The following MAPK4 variants were observed in gnomAD, a reference collection of about 807,000 sequenced individuals.
MAPK4 encodes the protein mitogen-activated protein kinase 4.
In MAPK4, 22 loss-of-function variants were observed where a neutral mutation model predicts 47.7. That is an observed-to-expected ratio of 0.46 (90% CI 0.33 to 0.66). MAPK4 has a LOEUF of 0.66. Ranked by LOEUF, MAPK4 falls within the 30% of genes least tolerant of loss-of-function variation. The pLI, the probability that MAPK4 is intolerant of heterozygous loss-of-function variation, is 0.02. For synonymous variants in MAPK4, 390 were observed against 365.7 expected (o/e 1.07, Z -0.76); for missense variants, 736 against 831.7 (o/e 0.88, Z 1.42).
At chr18:50,590,646 T>G (rs1008159488) in intron 1 of MAPK4, among the ~76,000 whole-genome samples, 1 of 152,180 alleles carries the variant, frequency 6.6e-6, no homozygotes, top group African/African-American at 2.4e-5. Flanking sequence ...GGAATAATAA[T>G]GTTATATATA....
intron 1 of MAPK4, among the ~76,000 whole-genome samples, chr18:50,591,655 G>A (rs904545787): frequency 6.6e-6 from 1 of 151,532 alleles, no homozygotes; most frequent in Non-Finnish European, 1.5e-5. Flanking sequence ...TGAAGCATTG[G>A]GAGTGTAAGG....
intron 1 of MAPK4, among the ~76,000 whole-genome samples, chr18:50,591,950 G>T (rs2042440010): frequency 6.6e-6 from 1 of 152,086 alleles, no homozygotes; most frequent in Non-Finnish European, 1.5e-5. Context: ...GGACTAGTAT[G>T]GTCTCTGACT....
rs188568784 is a variant in MAPK4 at position 50,579,068 on chromosome 18, G to A, written c.-871+18825G>A. 1.7e-4 allele frequency among the ~76,000 whole-genome samples: 26 copies of A among 152,328 alleles called. No individual in the cohort carries two copies. The East Asian group carries it at 4.4e-3, about 26-fold the overall frequency. The stretch of plus-strand genomic sequence containing the variant: ...GCAGCTTAGTCTGGACAGGCAGGCA[G>A]AGACTGGAGCACAGTAGCTGGGGCT... On this transcript the variant is annotated intron_variant, in intron 1 of 5. Coordinates refer to ENST00000400384, the MANE Select transcript of MAPK4 (RefSeq NM_002747.4).
At chr18:50,583,508 G>A (rs1192597063) in intron 1 of MAPK4, among the ~76,000 whole-genome samples, 1 of 152,164 alleles carries the variant, frequency 6.6e-6, no homozygotes, top group East Asian at 1.9e-4. Flanking sequence ...AAAATTGTTT[G>A]AGCCCAGGAG....
chr18:50,704,795 A>T, intron 2 of MAPK4: 1 of 398,660 alleles, frequency 2.5e-6, no homozygotes, highest in Non-Finnish European at 4.4e-6. Context: ...TGGAGCAGGG[A>T]CAATGACAGC....
At position 50,582,664 on chromosome 18, in the gene MAPK4, G is replaced by A. The variant is rs558884900; in HGVS notation, c.-871+22421G>A. 2.6e-5 allele frequency among the ~76,000 whole-genome samples: 4 copies of A among 152,334 alleles called. No homozygotes were observed. The South Asian group carries it at 8.3e-4, about 32-fold the overall frequency. On this transcript the variant is annotated intron_variant, in intron 1 of 5. Coordinates refer to ENST00000400384, the MANE Select transcript of MAPK4 (RefSeq NM_002747.4). ...CCTGGGGCCTCACTCCAGCCCACTGGGCTCACTCCACCTGCTTGGCCTGGC... is the reference window on the plus strand; with the variant it reads ...CCTGGGGCCTCACTCCAGCCCACTGAGCTCACTCCACCTGCTTGGCCTGGC...
intron 1 of MAPK4, among the ~76,000 whole-genome samples, chr18:50,620,511 C>G (rs1430973607): frequency 6.6e-6 from 1 of 152,214 alleles, no homozygotes; most frequent in Non-Finnish European, 1.5e-5. Flanking sequence ...ATCACTCTGG[C>G]CCATCAACAT....
chr18:50,642,450 T>C (rs772708140), intron 1 of MAPK4, among the ~76,000 whole-genome samples: 3 of 152,234 alleles, frequency 2.0e-5, no homozygotes, highest in Non-Finnish European at 4.4e-5. Context: ...TTTGCCCTTC[T>C]TCCTTTATCT....
chr18:50,591,342 C>T (rs970288702), intron 1 of MAPK4, among the ~76,000 whole-genome samples: 1 of 152,066 alleles, frequency 6.6e-6, no homozygotes, highest in Non-Finnish European at 1.5e-5. Context: ...GGACCTGGGC[C>T]TCCCACCTTT....
In MAPK4 at chr18:50,688,199, C is replaced by G. The variant is rs999532878; in HGVS notation, c.546+23695C>G. ...AAATGAAATGGAGATTGCAAAAGCT[C>G]TCTGAAGAGACGAGGCTGGGCTGGG... On this transcript the variant is annotated intron_variant, in intron 2 of 5. Transcript: ENST00000400384. 1.1e-4 allele frequency among the ~76,000 whole-genome samples: 17 copies of G among 152,296 alleles called. No individual in the cohort carries two copies. The Middle Eastern group carries it at 0.01, about 91-fold the overall frequency.
rs768362441 is a variant in MAPK4, at chr18:50,729,720, T to C, written c.1630T>C (p.Ser544Pro). ...CCAGTTCGACCTGGACGTGTTCATCTCCCGCGCCCTGAAGCTCTGCACCAA... is the reference window on the plus strand; with the variant it reads ...CCAGTTCGACCTGGACGTGTTCATCCCCCGCGCCCTGAAGCTCTGCACCAA... ...SPQFDLDVFI[S>P]RALKLCTKPE... is the part of the protein sequence containing the mutation. The change falls in exon 6 of 6, where the codon TCC (serine) becomes CCC (proline). Residue 544 changes from serine (S) to proline (P), a missense_variant. By Grantham distance (74) the Ser-to-Pro change is moderately conservative. Coordinates refer to ENST00000400384, the MANE Select transcript of MAPK4 (RefSeq NM_002747.4). 6.3e-7 allele frequency: 1 copy of C among 1,584,230 alleles called. No homozygotes were observed. Among genetic ancestry groups the C allele is most frequent in the South Asian group, 1.2e-5 (1 of 86,520 alleles).
intron 3 of MAPK4, among the ~76,000 whole-genome samples, chr18:50,721,667 G>T (rs1033268280): frequency 1.3e-5 from 2 of 152,198 alleles, no homozygotes; most frequent in Admixed American, 6.5e-5. Context: ...TATCCAGCTG[G>T]TCTGAGACAC....
chr18:50,705,224 A>G (rs551791754), intron 2 of MAPK4: 28 of 155,458 alleles, frequency 1.8e-4, no homozygotes, highest in Non-Finnish European at 2.8e-4. Flanking sequence ...GGGCATATCA[A>G]TCATTCCTTT....
intron 1 of MAPK4, among the ~76,000 whole-genome samples, chr18:50,614,469 GTTAC>G (rs910793257): frequency 1.3e-5 from 2 of 151,892 alleles, no homozygotes; most frequent in African/African-American, 4.8e-5. Flanking sequence ...GGTTGAAATT[GTTAC>G]TTAATTTTTA....
intron 2 of MAPK4, among the ~76,000 whole-genome samples, chr18:50,674,384 A>C (rs961705929): frequency 6.6e-6 from 1 of 152,184 alleles, no homozygotes; most frequent in Non-Finnish European, 1.5e-5. Context: ...ATAGAAATAG[A>C]AGGCTCGGTG....
chr18:50,695,208 T>C (rs1909437036), intron 2 of MAPK4, among the ~76,000 whole-genome samples: 1 of 151,854 alleles, frequency 6.6e-6, no homozygotes, highest in African/African-American at 2.4e-5. Flanking sequence ...TAGCCGGGTA[T>C]GGTGGCACAT....
intron 1 of MAPK4, among the ~76,000 whole-genome samples, chr18:50,659,937 C>T (rs1192426753): frequency 6.6e-6 from 1 of 152,234 alleles, no homozygotes; most frequent in Non-Finnish European, 1.5e-5. Context: ...CTGCACCACA[C>T]CAAGAGCTGC....
At chr18:50,620,229 G>C (rs1338822105) in intron 1 of MAPK4, among the ~76,000 whole-genome samples, 1 of 152,196 alleles carries the variant, frequency 6.6e-6, no homozygotes, top group African/African-American at 2.4e-5. Context: ...GGAAGTGGAA[G>C]TGTTATAGGA....
At chr18:50,567,826 T>A (rs562917826) in intron 1 of MAPK4, among the ~76,000 whole-genome samples, 92 of 146,624 alleles carry the variant, frequency 6.3e-4, no homozygotes, top group Non-Finnish European at 8.9e-4. Flanking sequence ...AGTGTTTTTT[T>A]AAAAAAAAAA....
Sources: gnomAD v4.1 joint callset for allele counts (sites outside exome capture counted in the v4.1 genomes callset) on GRCh38, gnomAD v4.1.1 for gene constraint, MANE v1.5 for transcripts, NCBI Gene and HGNC (gene_info 2026-07-23, HGNC 2026-07-21) for gene names.